Variants in INO80D observed in about 807,000 individuals in gnomAD.
INO80D encodes the protein INO80 complex subunit D.
A neutral mutation model predicts 87.6 loss-of-function variants in INO80D; 21 were observed. The observed-to-expected ratio is 0.24, with a 90% CI of 0.17 to 0.35. The LOEUF is 0.35. INO80D is among the 10% of genes least tolerant of loss of function. The pLI is 1.00. For missense variants in INO80D, 982 were observed against 1,280.7 expected, an observed-to-expected ratio of 0.77 and a Z score of 3.56; for synonymous variants, 440 against 491.0, an observed-to-expected ratio of 0.90 and a Z score of 1.37.
chr2:206,035,554 G>A (rs548563676), intron 5 of INO80D, among the ~76,000 whole-genome samples: 14 of 152,042 alleles, frequency 9.2e-5, no homozygotes, highest in Admixed American at 1.3e-4. Context: ...GAATGAAACC[G>A]GATCCTCTCA....
chr2:206,080,119 T>A (rs925204593), intron 1 of INO80D, among the ~76,000 whole-genome samples: 1 of 152,118 alleles, frequency 6.6e-6, no homozygotes, highest in Non-Finnish European at 1.5e-5. Flanking sequence ...GACTAAAAAC[T>A]CCTCAAGGGC....
chr2:206,067,739 C>T (rs1163703758), intron 1 of INO80D, among the ~76,000 whole-genome samples: 5 of 152,138 alleles, frequency 3.3e-5, no homozygotes, highest in Non-Finnish European at 7.4e-5. Context: ...ACAAGCCAAA[C>T]ACACACGTAT....
At chr2:206,056,073 A>T in intron 4 of INO80D, 125 bp downstream of exon 4, 1 of 895,572 alleles carries the variant, frequency 1.1e-6, no homozygotes, top group Non-Finnish European at 1.7e-6. Context: ...CTTTCACTGC[A>T]CCACTCTGCC....
intron 1 of INO80D, among the ~76,000 whole-genome samples, chr2:206,081,756 CAAAA>C (rs756168296): frequency 2.7e-5 from 2 of 75,262 alleles, no homozygotes; most frequent in Non-Finnish European, 2.8e-5. Flanking sequence ...GACCCTGTCT[CAAAA>C]AAAAAAAAAA....
In INO80D at chr2:206,004,599, G is replaced by C. The variant is rs764334367; in HGVS notation, c.2853C>G (p.Thr951=). 6.2e-7 allele frequency: 1 copy of C among 1,612,426 alleles called. No individual in the cohort carries two copies. The highest frequency in any genetic ancestry group is 8.5e-7 in the Non-Finnish European group (1 of 1,179,232). Residue 951 remains threonine, a synonymous_variant, in exon 11 of 11, where the codon ACC becomes ACG. Transcript: ENST00000403263. The surrounding 1 kb of genome is among the most constrained non-coding windows in gnomAD (Gnocchi z 4.9). ...SSSVLPGLPQ[T]SFSGMGPSAE... ...CAGAAGGCCCCATGCCACTGAAGCT[G>C]GTCTGTGGTAACCCCGGAAGCACAC... is the stretch of plus-strand genomic sequence containing the variant.
At chr2:206,029,419 T>C (rs931647038) in intron 5 of INO80D, among the ~76,000 whole-genome samples, 1 of 152,202 alleles carries the variant, frequency 6.6e-6, no homozygotes, top group South Asian at 2.1e-4. Flanking sequence ...ATGGAACAAA[T>C]GTGATCTTAC....
At chr2:206,078,510 T>C (rs1690184664) in intron 1 of INO80D, among the ~76,000 whole-genome samples, 3 of 152,132 alleles carry the variant, frequency 2.0e-5, no homozygotes, top group Admixed American at 6.6e-5. Context: ...TTTGAACATA[T>C]GAAGGCCGGG....
Position 206,056,232 on chromosome 2 carries a change from T to A in INO80D, c.930A>T (p.Lys310Asn), listed in dbSNP as rs777452162. ...LQRLVKLCTQ[K>N]HQLDTDLFPH... ...GAAACAGATCAGTGTCCAACTGATG[T>A]TTCTGGGTGCACAGTTTCACCAGTC... is the stretch of plus-strand genomic sequence containing the variant. The change falls in exon 4 of 11, where the codon AAA becomes AAT. Residue 310 changes from lysine (K) to asparagine (N), a missense_variant. Physicochemically the swap from Lys to Asn is moderately conservative, Grantham distance 94 (BLOSUM62 0). Transcript: ENST00000403263. The A allele has an allele frequency of 2.5e-6, 4 of 1,606,330 alleles. No individual in the cohort carries two copies. Among genetic ancestry groups the A allele is most frequent in the Non-Finnish European group, 3.4e-6 (4 of 1,176,646 alleles).
chr2:206,041,586 A>C (rs1369388949), intron 5 of INO80D, among the ~76,000 whole-genome samples: 3 of 152,242 alleles, frequency 2.0e-5, no homozygotes, highest in African/African-American at 7.2e-5. Flanking sequence ...AAGGAGAAAT[A>C]ATCAAATTTA....
chr2:206,039,810 C>CAAAAA (rs35689223), intron 5 of INO80D, among the ~76,000 whole-genome samples: 3 of 101,102 alleles, frequency 3.0e-5, no homozygotes, highest in African/African-American at 4.0e-5. Context: ...CCTCTGTCTC[C>CAAAAA]AAAAAAAAAA....
At position 206,016,397 on chromosome 2, in the gene INO80D, T is replaced by C. The variant is rs1056012371; in HGVS notation, c.1542+1283A>G. Among the ~76,000 whole-genome samples the C allele has an allele frequency of 2.0e-5, 3 of 152,222 alleles. No homozygotes were observed. The South Asian group carries it at 6.2e-4, about 31-fold the overall frequency. ...ACCCAATGGCTGTACCCCCATTGTATCTAGGAAGTAACTAACTTGCTTTTG... is the reference window on the plus strand; with the variant it reads ...ACCCAATGGCTGTACCCCCATTGTACCTAGGAAGTAACTAACTTGCTTTTG... On this transcript the variant is annotated intron_variant, in intron 8 of 10. Coordinates refer to ENST00000403263, the MANE Select transcript of INO80D (RefSeq NM_017759.5).
intron 5 of INO80D, among the ~76,000 whole-genome samples, chr2:206,044,062 G>A (rs1575840462): frequency 6.6e-6 from 1 of 152,138 alleles, no homozygotes; most frequent in East Asian, 1.9e-4. Context: ...ATGTGGTGGT[G>A]CACACCTGTA....
chr2:206,085,150 A>G lies in INO80D; in HGVS notation c.-124+751T>C, dbSNP rs2105919262. On this transcript the variant is annotated intron_variant, in intron 1 of 10. Transcript: ENST00000403263. The surrounding 1 kb of genome is among the most constrained non-coding windows in gnomAD (Gnocchi z 4.5). The stretch of plus-strand genomic sequence containing the variant: ...GCTAGGACCAGGGCTCCCCGGAGAG[A>G]CAGCGGCCCCCAGTTCGGGCCTAAA... Among the ~76,000 whole-genome samples, 1 of 152,074 alleles carries G rather than the reference A, an allele frequency of 6.6e-6. No individual in the cohort carries two copies. Among genetic ancestry groups the G allele is most frequent in the East Asian group, 2.0e-4 (1 of 5,122 alleles).
chr2:206,074,125 C>T (rs925028740), intron 1 of INO80D, among the ~76,000 whole-genome samples: 1 of 152,150 alleles, frequency 6.6e-6, no homozygotes, highest in African/African-American at 2.4e-5. Context: ...AGACAACTTG[C>T]TTAGCATATA....
At chr2:206,022,845 C>A (rs1035214631) in intron 6 of INO80D, among the ~76,000 whole-genome samples, 7 of 152,272 alleles carry the variant, frequency 4.6e-5, no homozygotes, top group African/African-American at 9.6e-5. Flanking sequence ...TCCCAAGTAG[C>A]TGAGACTACA....
At chr2:206,030,172 C>CT (rs1457785643) in intron 5 of INO80D, among the ~76,000 whole-genome samples, 1 of 152,190 alleles carries the variant, frequency 6.6e-6, no homozygotes, top group East Asian at 1.9e-4. Flanking sequence ...CTGAAGTTCA[C>CT]TGGAAAGACA....
At chr2:206,045,560 T>C (rs1299728672) in intron 5 of INO80D, among the ~76,000 whole-genome samples, 1 of 152,192 alleles carries the variant, frequency 6.6e-6, no homozygotes, top group Non-Finnish European at 1.5e-5. Context: ...CTTACTATCA[T>C]TGAAGAGGAT....
chr2:206,077,885 C>G (rs1299021302), intron 1 of INO80D, among the ~76,000 whole-genome samples: 1 of 151,928 alleles, frequency 6.6e-6, no homozygotes. Context: ...TCTGACCAGT[C>G]AGTGAGTTCT....
chr2:206,023,844 G>C (rs1433527044), intron 6 of INO80D, among the ~76,000 whole-genome samples: 2 of 152,118 alleles, frequency 1.3e-5, no homozygotes, highest in Non-Finnish European at 2.9e-5. Context: ...GGTCCATCTT[G>C]CTGTTTGTTT....
Sources: gnomAD v4.1 joint callset for allele counts (sites outside exome capture counted in the v4.1 genomes callset) on GRCh38, gnomAD v4.1.1 for gene constraint, Gnocchi (gnomAD v3.1) non-coding constraint, MANE v1.5 for transcripts, NCBI Gene and HGNC (gene_info 2026-07-23, HGNC 2026-07-21) for gene names.